The following DHX35 variants were observed in gnomAD, a reference collection of about 807,000 sequenced individuals.
DHX35 encodes the protein probable ATP-dependent RNA helicase DHX35.
DHX35 carries 84 observed loss-of-function variants against 99.6 expected under a neutral mutation model. That is an observed-to-expected ratio of 0.84 (90% CI 0.71 to 1.01). The LOEUF (loss-of-function observed/expected upper bound fraction) is 1.01, where lower values mean the gene tolerates loss of function less well. DHX35 is among the 50% of genes least tolerant of loss of function. DHX35 has a pLI of 0.00. For missense variants in DHX35, 852 were observed against 888.5 expected (o/e 0.96, Z 0.52); for synonymous variants, 331 against 316.2 (o/e 1.05, Z -0.50).
chr20:38,988,766 C>G, intron 4 of DHX35, 47 bp from the exon 5 acceptor site: 1 of 1,610,600 alleles, frequency 6.2e-7, no homozygotes, highest in Non-Finnish European at 8.5e-7. Context: ...GTGCGCTGTG[C>G]AGTAATTTCT....
At chr20:39,033,038 C>T (rs2087083589) in intron 20 of DHX35, among the ~76,000 whole-genome samples, 1 of 151,816 alleles carries the variant, frequency 6.6e-6, no homozygotes, top group South Asian at 2.1e-4. Flanking sequence ...GTCAGGAGTT[C>T]AATACCAGCC....
At chr20:39,009,160 GT>G (rs1220431395) in intron 12 of DHX35, among the ~76,000 whole-genome samples, 1 of 152,110 alleles carries the variant, frequency 6.6e-6, no homozygotes, top group African/African-American at 2.4e-5. Flanking sequence ...CCTCTTATGT[GT>G]TAACTTTGTT....
At chr20:39,019,041 A>G (rs2086832340) in intron 15 of DHX35, 142 bp downstream of exon 15, 3 of 733,830 alleles carry the variant, frequency 4.1e-6, no homozygotes, top group Non-Finnish European at 6.6e-6. Context: ...TTATTGTTTT[A>G]ACCATTTTAT....
rs62202591 is a variant in DHX35, at chr20:39,008,836, A to C, written c.1223-1444A>C. On this transcript the variant is annotated intron_variant, in intron 12 of 21. Coordinates refer to ENST00000252011, the MANE Select transcript of DHX35 (RefSeq NM_021931.4). The stretch of plus-strand genomic sequence containing the variant: ...GCCCAACAGATCCTCCTTGTCCTTC[A>C]AATCCTCCCTCAAATGGCAACATGC... Among the ~76,000 whole-genome samples the C allele has an allele frequency of 6.2e-3, 937 of 152,298 alleles. 10 individuals carry two copies. Among genetic ancestry groups the C allele is most frequent in the African/African-American group, 0.021 (885 of 41,562 alleles).
intron 15 of DHX35, 72 bp from the exon 16 acceptor site, chr20:39,021,769 T>C (rs2086875910): frequency 7.1e-7 from 1 of 1,417,068 alleles, no homozygotes. Context: ...GCAAGGAAAG[T>C]ATCAGAAAAT....
intron 11 of DHX35, 87 bp from the exon 12 acceptor site, chr20:39,006,059 A>C (rs967182200): frequency 2.6e-5 from 37 of 1,449,940 alleles, no homozygotes; most frequent in Non-Finnish European, 3.4e-5. Flanking sequence ...CAATGTTGGA[A>C]ATGTTAAATC....
At chr20:39,021,780 G>A (rs1458516038) in intron 15 of DHX35, 61 bp from the exon 16 acceptor site, 1 of 1,504,972 alleles carries the variant, frequency 6.6e-7, no homozygotes, top group African/African-American at 1.4e-5. Context: ...ATCAGAAAAT[G>A]TCTTTCACTT....
intron 21 of DHX35, among the ~76,000 whole-genome samples, chr20:39,036,725 CCAAAAAAAAA>C (rs1409918456): frequency 8.5e-6 from 1 of 117,142 alleles, no homozygotes; most frequent in Admixed American, 9.0e-5. Context: ...GACTGTCCCC[CCAAAAAAAAA>C]AAAAAAAAAA....
chr20:39,001,802 G>A lies in DHX35; in HGVS notation c.715G>A (p.Glu239Lys), dbSNP rs2086524576. The change falls in exon 9 of 22, where the codon GAA becomes AAA. Residue 239 changes from glutamate to lysine, a missense_variant. Coordinates refer to ENST00000252011, the MANE Select transcript of DHX35 (RefSeq NM_021931.4). ...GGATACATGTGTGATCCTTACAGTG[G>A]AAGGGAGAACATTTCCGGTGGATAT... Reference protein sequence around the residue: ...ARDTCVILTVEGRTFPVDIFY... With the variant: ...ARDTCVILTVKGRTFPVDIFY... The A allele has an allele frequency of 5.6e-6, 9 of 1,613,618 alleles. No homozygotes were observed. The highest frequency in any genetic ancestry group is 4.5e-5 in the East Asian group (2 of 44,874).
chr20:39,006,211 C>A lies in DHX35; in HGVS notation c.1077C>A (p.Asp359Glu). 6.2e-7 allele frequency: 1 copy of A among 1,614,178 alleles called. No homozygotes were observed. ...ITISGIVYVI[D>E]CGFVKLRAYN... Reference sequence around the variant, plus strand: ...TCAGCGGCATTGTGTATGTGATCGACTGTGGCTTTGTGAAACTCCGAGCCT... The same window carrying A: ...TCAGCGGCATTGTGTATGTGATCGAATGTGGCTTTGTGAAACTCCGAGCCT... The change falls in exon 12 of 22, where the codon GAC (aspartate) becomes GAA (glutamate). Residue 359 changes from aspartate (D) to glutamate (E), a missense_variant. Coordinates refer to ENST00000252011, the MANE Select transcript of DHX35 (RefSeq NM_021931.4).
intron 8 of DHX35, among the ~76,000 whole-genome samples, chr20:38,997,011 G>A (rs1437145670): frequency 6.6e-6 from 1 of 151,518 alleles, no homozygotes; most frequent in Non-Finnish European, 1.5e-5. Flanking sequence ...TTATTATGTT[G>A]AAAACTATAA....
At chr20:39,025,447 G>A in intron 18 of DHX35, 88 bp downstream of exon 18, 1 of 1,522,780 alleles carries the variant, frequency 6.6e-7, no homozygotes, top group Non-Finnish European at 8.9e-7. Flanking sequence ...GCTGGTGCGA[G>A]GCAGTGTGGC....
intron 4 of DHX35, among the ~76,000 whole-genome samples, chr20:38,986,029 C>G (rs568054991): frequency 6.6e-5 from 10 of 152,252 alleles, no homozygotes; most frequent in African/African-American, 2.4e-4. Context: ...CCTCCCTGAC[C>G]TGTGATTCAG....
intron 3 of DHX35, 78 bp downstream of exon 3, chr20:38,972,729 A>G (rs2086021669): frequency 1.1e-6 from 1 of 902,424 alleles, no homozygotes; most frequent in Non-Finnish European, 1.8e-6. Flanking sequence ...TCTCTTTACT[A>G]TCATTTACAT....
chr20:38,993,937 C>T (rs887834573), intron 7 of DHX35, among the ~76,000 whole-genome samples: 2 of 152,030 alleles, frequency 1.3e-5, no homozygotes, highest in Non-Finnish European at 2.9e-5. Context: ...AAAGATGTTC[C>T]CTCTGGGAGG....
rs777824468 is a variant in DHX35 at position 39,039,260 on chromosome 20, C to T, written c.*717C>T. On this transcript the variant is annotated 3_prime_UTR_variant, in exon 22 of 22. Transcript: ENST00000252011. ...AGTGTAGTGCCAGGTCCTGGTGCCA[C>T]GCTAGCTGAGCACTCAGGAGAGTTC... 5 of 152,712 alleles carry T rather than the reference C, an allele frequency of 3.3e-5. No homozygotes were observed. Among genetic ancestry groups the T allele is most frequent in the South Asian group, 2.1e-4 (1 of 4,830 alleles). The allele number at this position is 152,712 out of a possible 1,614,324, so 9.5% of individuals were successfully genotyped here. A position where few individuals can be genotyped will look rare whatever the true frequency, so the allele number is the denominator to read the frequency against.
intron 1 of DHX35, among the ~76,000 whole-genome samples, chr20:38,963,197 A>G (rs2085861601): frequency 6.6e-6 from 1 of 152,242 alleles, no homozygotes; most frequent in African/African-American, 2.4e-5. Flanking sequence ...AGACCGTACT[A>G]GATGCATTAC....
At chr20:38,986,959 G>A (rs996725334) in intron 4 of DHX35, among the ~76,000 whole-genome samples, 2 of 152,202 alleles carry the variant, frequency 1.3e-5, no homozygotes, top group African/African-American at 4.8e-5. Flanking sequence ...GAAGCTGAGG[G>A]CAGGGAGCCT....
chr20:39,027,328 G>T (rs2086973472), intron 18 of DHX35, among the ~76,000 whole-genome samples: 1 of 152,098 alleles, frequency 6.6e-6, no homozygotes, highest in African/African-American at 2.4e-5. Context: ...AAAGCAATTA[G>T]TGAAAGATAC....
Sources: allele counts gnomAD v4.1 joint callset (sites outside exome capture counted in the v4.1 genomes callset), GRCh38; gene constraint gnomAD v4.1.1; transcripts MANE v1.5; gene names NCBI Gene and HGNC (gene_info 2026-07-23, HGNC 2026-07-21).